MTAP: variants seen among roughly 807,000 people sequenced by gnomAD.
The protein encoded by MTAP is S-methyl-5'-thioadenosine phosphorylase.
A neutral mutation model predicts 33.6 loss-of-function variants in MTAP; 33 were observed. That is an observed-to-expected ratio of 0.98 (90% CI 0.74 to 1.31). The LOEUF is 1.31. Ranked by LOEUF, MTAP falls within the 40% of genes most tolerant of loss-of-function variation. The pLI is 0.00. For missense variants in MTAP, 367 were observed against 360.0 expected, an observed-to-expected ratio of 1.02 and a Z score of -0.16; for synonymous variants, 148 against 125.7, an observed-to-expected ratio of 1.18 and a Z score of -1.19.
intron 1 of MTAP, among the ~76,000 whole-genome samples, chr9:21,874,725 G>T (rs1587267726): frequency 6.7e-6 from 1 of 148,404 alleles, no homozygotes; most frequent in South Asian, 2.1e-4. Flanking sequence ...TACTTTAAGT[G>T]CTGGGATACA....
At chr9:21,882,995 A>G (rs1343754058) in intron 1 of MTAP, among the ~76,000 whole-genome samples, 1 of 151,950 alleles carries the variant, frequency 6.6e-6, no homozygotes, top group African/African-American at 2.4e-5. Context: ...TTAAGAAGTG[A>G]GGCCCCTAAC....
intron 1 of MTAP, among the ~76,000 whole-genome samples, chr9:21,879,279 G>C (rs1817957365): frequency 6.6e-6 from 1 of 152,078 alleles, no homozygotes; most frequent in African/African-American, 2.4e-5. Context: ...GCTTCTTGTT[G>C]AATTGAACCC....
chr9:21,846,760 A>G (rs762384720), intron 5 of MTAP, among the ~76,000 whole-genome samples: 1 of 152,240 alleles, frequency 6.6e-6, no homozygotes, highest in Non-Finnish European at 1.5e-5. Flanking sequence ...AAGTCATTAT[A>G]TGAAAAAGAC....
At chr9:21,897,543 C>T (rs558361105) in intron 1 of MTAP, among the ~76,000 whole-genome samples, 2 of 152,308 alleles carry the variant, frequency 1.3e-5, no homozygotes, top group East Asian at 3.9e-4. Context: ...TCTCAGGATA[C>T]AAAATCAATG....
intron 5 of MTAP, among the ~76,000 whole-genome samples, chr9:21,852,344 A>G (rs909424248): frequency 6.6e-6 from 1 of 151,958 alleles, no homozygotes; most frequent in African/African-American, 2.4e-5. Context: ...GGTCTCTACT[A>G]AAATACAAAG....
chr9:21,824,162 G>C (rs1824723456), intron 4 of MTAP, among the ~76,000 whole-genome samples: 1 of 152,212 alleles, frequency 6.6e-6, no homozygotes, highest in African/African-American at 2.4e-5. Flanking sequence ...TGTTCCTTTG[G>C]AGGGGGAGAG....
chr9:21,885,356 A>C (rs1309350799), intron 1 of MTAP, among the ~76,000 whole-genome samples: 1 of 152,210 alleles, frequency 6.6e-6, no homozygotes, highest in Non-Finnish European at 1.5e-5. Context: ...CAGGATTACT[A>C]TAACCTAAAG....
At chr9:21,933,299 G>C (rs989616265), downstream of MTAP, 3 of 152,152 alleles carry the variant, frequency 2.0e-5, no homozygotes, top group Non-Finnish European at 4.4e-5. Context: ...GAGACTCTTT[G>C]TAAGAGAAAT....
chr9:21,854,698 AG>A lies in MTAP; in HGVS notation c.521del (p.Gly174AspfsTer23), dbSNP rs1438524312. The A allele has an allele frequency of 1.2e-6, 2 of 1,613,902 alleles. No individual in the cohort carries two copies. The highest frequency in any genetic ancestry group is 2.7e-5 in the African/African-American group (2 of 74,920). On this transcript the variant is annotated frameshift_variant, in exon 6 of 8. Coordinates refer to ENST00000644715, the MANE Select transcript of MTAP (RefSeq NM_002451.4). LOFTEE classifies it high-confidence loss of function. The part of the protein sequence containing the change: ...CHSKGTMVTI[E>X]GPRFSSRAES... ...TCAAAGGGGACAATGGTCACAATCG[AG>A]GGACCTCGTTTTAGCTCCCGGGCAG...
At position 21,920,265 on chromosome 9, in the gene MTAP, C is replaced by T. The variant is rs139337547; in HGVS notation, c.148-10743C>T. On this transcript the variant is annotated intron_variant, in intron 1 of 1. Transcript: ENST00000577563. Reference sequence around the variant, plus strand: ...AAAATTAGCCCATGACCAGAGAGAGCTGTGAGAGTATAAATAAACAGTGCC... The same window carrying T: ...AAAATTAGCCCATGACCAGAGAGAGTTGTGAGAGTATAAATAAACAGTGCC... Among the ~76,000 whole-genome samples, 369 of 152,150 alleles carry T rather than the reference C, an allele frequency of 2.4e-3. 4 individuals are homozygous for T. Among genetic ancestry groups the T allele is most frequent in the Admixed American group, 2.2e-3 (33 of 15,292 alleles).
chr9:21,933,312 A>T (rs143263183), downstream of MTAP: 2 of 152,202 alleles, frequency 1.3e-5, no homozygotes, highest in African/African-American at 4.8e-5. Context: ...AGAGAAATTT[A>T]TATCTACAAA....
intron 4 of MTAP, among the ~76,000 whole-genome samples, chr9:21,826,054 G>A (rs1000595521): frequency 2.0e-5 from 3 of 151,852 alleles, no homozygotes; most frequent in Admixed American, 1.3e-4. Context: ...CTTATCCGAG[G>A]TATGGTTTGT....
At position 21,822,227 on chromosome 9, in the gene MTAP, G is replaced by A. The variant is rs143016226; in HGVS notation, c.347+4025G>A. ...GTTCTTTTCATTGTGATGTTAGGGTGTCAATTTTAGATCTCTCTTGCTTTC... is the reference window on the plus strand; with the variant it reads ...GTTCTTTTCATTGTGATGTTAGGGTATCAATTTTAGATCTCTCTTGCTTTC... On this transcript the variant is annotated intron_variant, in intron 4 of 7. Transcript: ENST00000644715. Among the ~76,000 whole-genome samples the A allele has an allele frequency of 4.6e-3, 707 of 152,228 alleles. 3 individuals carry two copies. Among genetic ancestry groups the A allele is most frequent in the African/African-American group, 0.017 (688 of 41,522 alleles).
At chr9:21,871,855 G>A (rs1048457383), downstream of MTAP, among the ~76,000 whole-genome samples, 11 of 152,180 alleles carry the variant, frequency 7.2e-5, no homozygotes, top group Non-Finnish European at 8.8e-5. Context: ...TGGAAGAGCA[G>A]GAATTCTGGA....
At chr9:21,803,017 CA>C in intron 1 of MTAP, 1 of 1,108,900 alleles carries the variant, frequency 9.0e-7, no homozygotes, top group Non-Finnish European at 1.2e-6. Flanking sequence ...CACACACACA[CA>C]CACACACACA....
intron 1 of MTAP, chr9:21,803,108 G>A: frequency 7.6e-6 from 4 of 529,642 alleles, no homozygotes; most frequent in Non-Finnish European, 9.1e-6. Flanking sequence ...GGTCGTGGAT[G>A]GGAGAGGCTG....
intron 1 of MTAP, among the ~76,000 whole-genome samples, chr9:21,928,644 G>A (rs574193608): frequency 7.0e-4 from 106 of 152,156 alleles, no homozygotes; most frequent in African/African-American, 2.4e-3. Context: ...GGTTAGTAAT[G>A]CCCTAGGCAT....
At chr9:21,923,593 T>G (rs1295485259) in intron 1 of MTAP, among the ~76,000 whole-genome samples, 1 of 152,212 alleles carries the variant, frequency 6.6e-6, no homozygotes, top group Non-Finnish European at 1.5e-5. Flanking sequence ...AGAGGGGTTG[T>G]CCTGTCTACT....
chr9:21,923,540 T>C (rs1818821074), intron 1 of MTAP, among the ~76,000 whole-genome samples: 1 of 152,220 alleles, frequency 6.6e-6, no homozygotes, highest in African/African-American at 2.4e-5. Flanking sequence ...ATGAAGGTTT[T>C]CCGTCAGTAT....
Sources: allele counts gnomAD v4.1 joint callset (sites outside exome capture counted in the v4.1 genomes callset), GRCh38; gene constraint gnomAD v4.1.1; transcripts MANE v1.5; gene names NCBI Gene and HGNC (gene_info 2026-07-23, HGNC 2026-07-21).